Variants in MINAR1 observed in about 807,000 individuals in gnomAD.
MINAR1 encodes the protein major intrinsically disordered Notch2-binding receptor 1.
A neutral mutation model predicts 65.1 loss-of-function variants in MINAR1; 40 were observed. The ratio of observed to expected loss-of-function variants is 0.61; its 90% confidence interval spans 0.48 to 0.80. MINAR1 has a LOEUF of 0.80. Ranked by LOEUF, MINAR1 falls within the 30% of genes least tolerant of loss-of-function variation. MINAR1 has a pLI of 0.00. For missense variants in MINAR1, 1,128 were observed against 1,148.0 expected, an observed-to-expected ratio of 0.98 and a Z score of 0.25; for synonymous variants, 482 against 449.1, an observed-to-expected ratio of 1.07 and a Z score of -0.93.
chr15:79,462,446 G>T (rs1426116390), intron 2 of MINAR1, among the ~76,000 whole-genome samples: 1 of 152,142 alleles, frequency 6.6e-6, no homozygotes, highest in African/African-American at 2.4e-5. Flanking sequence ...CTGCTGCCCA[G>T]ACTTCTTTCT....
chr15:79,434,284 G>A lies in MINAR1; in HGVS notation c.-51+1744G>A, dbSNP rs545470798. On this transcript the variant is annotated intron_variant, in intron 1 of 3. Coordinates refer to ENST00000305428, the MANE Select transcript of MINAR1 (RefSeq NM_015206.3). The stretch of plus-strand genomic sequence containing the variant: ...CTTTTGAATTTTAGATACATAATGC[G>A]ATTTTTTTTCTGGCCAATGCTCCAG... Among the ~76,000 whole-genome samples the A allele has an allele frequency of 3.3e-3, 508 of 152,238 alleles. 2 individuals are homozygous for A. The highest frequency in any genetic ancestry group is 0.012 in the African/African-American group (489 of 41,556).
At chr15:79,436,473 T>C (rs906128784) in intron 1 of MINAR1, among the ~76,000 whole-genome samples, 1 of 152,216 alleles carries the variant, frequency 6.6e-6, no homozygotes, top group African/African-American at 2.4e-5. Flanking sequence ...TATGCTGATT[T>C]CATAGTTTAG....
chr15:79,433,042 G>C (rs968448702), intron 1 of MINAR1, among the ~76,000 whole-genome samples: 2 of 152,230 alleles, frequency 1.3e-5, no homozygotes, highest in African/African-American at 4.8e-5. Flanking sequence ...GAATGGGATC[G>C]TTGTTCTTCC....
Position 79,469,140 on chromosome 15 carries a change from T to C in MINAR1, c.*756T>C, listed in dbSNP as rs1189107983. ...GTGTAGGGGAGCTGCCTGCTAACGATGTAAGGTCAGTATTTGAAAATCATG... is the reference window on the plus strand; with the variant it reads ...GTGTAGGGGAGCTGCCTGCTAACGACGTAAGGTCAGTATTTGAAAATCATG... On this transcript the variant is annotated 3_prime_UTR_variant, in exon 4 of 4. Coordinates refer to ENST00000305428, the MANE Select transcript of MINAR1 (RefSeq NM_015206.3). The C allele has an allele frequency of 6.6e-6, 1 of 152,640 alleles. No individual in the cohort carries two copies. The highest frequency in any genetic ancestry group is 1.9e-4 in the East Asian group (1 of 5,186). The allele number at this position is 152,640 out of a possible 1,614,324, so 9.5% of individuals were successfully genotyped here. A position where few individuals can be genotyped will look rare whatever the true frequency, so the allele number is the denominator to read the frequency against.
the MINAR1 span, chr15:79,418,115 G>T: frequency 1.3e-5 from 2 of 152,364 alleles, no homozygotes; most frequent in South Asian, 2.1e-4. Context: ...TCTCCTTGGA[G>T]ATAAAGGATG....
intron 1 of MINAR1, among the ~76,000 whole-genome samples, chr15:79,432,860 T>C (rs1236978747): frequency 6.6e-6 from 1 of 152,226 alleles, no homozygotes; most frequent in Non-Finnish European, 1.5e-5. Flanking sequence ...CAAGTTTTCC[T>C]GGTTGAGCAT....
intron 1 of MINAR1, among the ~76,000 whole-genome samples, chr15:79,448,695 T>C (rs1895092265): frequency 6.6e-6 from 1 of 152,216 alleles, no homozygotes; most frequent in African/African-American, 2.4e-5. Context: ...AAAGGTTTGA[T>C]AAGAATACTT....
At chr15:79,453,641 C>G (rs1213341228) in intron 1 of MINAR1, among the ~76,000 whole-genome samples, 1 of 152,190 alleles carries the variant, frequency 6.6e-6, no homozygotes, top group Non-Finnish European at 1.5e-5. Context: ...GGTGCAGTTT[C>G]TCTATGATAA....
At position 79,468,539 on chromosome 15, in the gene MINAR1, T is replaced by C; in HGVS notation, c.*155T>C. On this transcript the variant is annotated 3_prime_UTR_variant, in exon 4 of 4. Coordinates refer to ENST00000305428, the MANE Select transcript of MINAR1 (RefSeq NM_015206.3). Reference sequence around the variant, plus strand: ...GAATGAAGGTGGTTTTCAGAAAGTATACATTCTAGTGAGAAATCTACCTAC... The same window carrying C: ...GAATGAAGGTGGTTTTCAGAAAGTACACATTCTAGTGAGAAATCTACCTAC... The C allele has an allele frequency of 1.5e-6, 1 of 679,322 alleles. No individual in the cohort carries two copies. The highest frequency in any genetic ancestry group is 2.5e-6 in the Non-Finnish European group (1 of 407,700). The allele number at this position is 679,322 out of a possible 1,614,324, so 42.1% of individuals were successfully genotyped here. A position where few individuals can be genotyped will look rare whatever the true frequency, so the allele number is the denominator to read the frequency against.
At chr15:79,411,648 A>C in the MINAR1 span, 2 of 608,408 alleles carry the variant, frequency 3.3e-6, no homozygotes, top group South Asian at 1.8e-5. Flanking sequence ...CAGGTGAGTT[A>C]AACTGGCAAG....
intron 3 of MINAR1, among the ~76,000 whole-genome samples, chr15:79,465,679 G>A (rs1004441424): frequency 1.3e-5 from 2 of 151,926 alleles, no homozygotes; most frequent in Non-Finnish European, 2.9e-5. Context: ...TGGCTTCTGG[G>A]CCAGCCCTAG....
chr15:79,435,427 A>C (rs1894570351), intron 1 of MINAR1, among the ~76,000 whole-genome samples: 1 of 152,252 alleles, frequency 6.6e-6, no homozygotes, highest in Admixed American at 6.5e-5. Context: ...TTCTCTCTGC[A>C]ATATGGCATA....
intron 1 of MINAR1, among the ~76,000 whole-genome samples, chr15:79,451,386 T>C: frequency 6.6e-6 from 1 of 152,120 alleles, no homozygotes; most frequent in Non-Finnish European, 1.5e-5. Context: ...CAGAGGAGAC[T>C]CTGGGACCTG....
rs541210818 is a variant in MINAR1 at position 79,469,559 on chromosome 15, G to GTCTA, written c.*1188_*1191dup. 8 of 151,868 alleles carry GTCTA rather than the reference G, an allele frequency of 5.3e-5. No homozygotes were observed. Among genetic ancestry groups the GTCTA allele is most frequent in the East Asian group, 3.9e-4 (2 of 5,182 alleles). The allele number at this position is 151,868 out of a possible 1,614,324, so 9.4% of individuals were successfully genotyped here. A position where few individuals can be genotyped will look rare whatever the true frequency, so the allele number is the denominator to read the frequency against. On this transcript the variant is annotated 3_prime_UTR_variant, in exon 4 of 4. Coordinates refer to ENST00000305428, the MANE Select transcript of MINAR1 (RefSeq NM_015206.3). ...TATATGTCTATCTATCTATCTATAT[G>GTCTA]TCTATCTATCTATCTAAATACTTGA...
At chr15:79,421,505 C>T in the MINAR1 span, 1 of 152,406 alleles carries the variant, frequency 6.6e-6, no homozygotes, top group African/African-American at 2.4e-5. Context: ...AGGAAGGTGT[C>T]CCTGAGGTGG....
Position 79,457,668 on chromosome 15 carries a change from A to T in MINAR1, c.1521A>T (p.Ser507=). 6.2e-7 allele frequency: 1 copy of T among 1,614,212 alleles called. No homozygotes were observed. The highest frequency in any genetic ancestry group is 1.6e-4 in the Middle Eastern group (1 of 6,062). The change falls in exon 2 of 4, where the codon TCA becomes TCT. Residue 507 remains serine, a synonymous_variant. Transcript: ENST00000305428. ...GTGACAGGCACACCATGAAGCACTC[A>T]GACGATGACTCAGAAATTGTCAGCG... ...KYSDRHTMKH[S]DDDSEIVSDD...
chr15:79,466,467 T>G (rs1199785780), intron 3 of MINAR1, among the ~76,000 whole-genome samples: 1 of 152,246 alleles, frequency 6.6e-6, no homozygotes, highest in Non-Finnish European at 1.5e-5. Flanking sequence ...AAATCTTTAT[T>G]TTTGGACACT....
chr15:79,454,087 C>T (rs1029769891), intron 1 of MINAR1, among the ~76,000 whole-genome samples: 1 of 152,178 alleles, frequency 6.6e-6, no homozygotes, highest in African/African-American at 2.4e-5. Context: ...GCTGTCCCCA[C>T]CTTTAACAAG....
rs1896020949 is a variant in MINAR1, at chr15:79,470,016, T to A, written c.*1632T>A. The A allele has an allele frequency of 6.6e-6, 1 of 152,612 alleles. No individual in the cohort carries two copies. Among genetic ancestry groups the A allele is most frequent in the African/African-American group, 2.4e-5 (1 of 41,450 alleles). The allele number at this position is 152,612 out of a possible 1,614,324, so 9.5% of individuals were successfully genotyped here. The stretch of plus-strand genomic sequence containing the variant: ...GGGTAGACAGTTAATTTTATTATGT[T>A]AACAAGTGAGGGATGAATGTTTTCA... On this transcript the variant is annotated 3_prime_UTR_variant, in exon 4 of 4. Transcript: ENST00000305428.
Sources: gnomAD v4.1 joint callset for allele counts (sites outside exome capture counted in the v4.1 genomes callset) on GRCh38, gnomAD v4.1.1 for gene constraint, MANE v1.5 for transcripts, NCBI Gene and HGNC (gene_info 2026-07-23, HGNC 2026-07-21) for gene names.